The following RPTOR variants were observed in gnomAD, a reference collection of about 807,000 sequenced individuals.
RPTOR encodes the protein regulatory associated protein of MTOR complex 1, also known as regulatory-associated protein of mTOR.
A neutral mutation model predicts 169.9 loss-of-function variants in RPTOR; 21 were observed. That is an observed-to-expected ratio of 0.12 (90% CI 0.09 to 0.18). The LOEUF (loss-of-function observed/expected upper bound fraction) is 0.18, where lower values mean the gene tolerates loss of function less well. Among genes scored for constraint, RPTOR ranks in the 10% least tolerant of loss-of-function variants. The pLI is 1.00. For synonymous variants in RPTOR, 732 were observed against 753.2 expected (o/e 0.97, Z 0.46); for missense variants, 1,133 against 1,855.9 (o/e 0.61, Z 7.16).
rs141287642 is a variant in RPTOR at position 80,827,093 on chromosome 17, C to T, written c.1136+3870C>T. 4.4e-3 allele frequency among the ~76,000 whole-genome samples: 674 copies of T among 152,248 alleles called. 4 individuals carry two copies. Among genetic ancestry groups the T allele is most frequent in the Non-Finnish European group, 7.0e-3 (479 of 68,020 alleles). On this transcript the variant is annotated intron_variant, in intron 9 of 33. Coordinates refer to ENST00000306801, the MANE Select transcript of RPTOR (RefSeq NM_020761.3). ...CTGGCAAAGCAGTGAATGTGAACAC[C>T]CAGGGGGCAGCTGTGCCAAATTGAA...
intron 7 of RPTOR, among the ~76,000 whole-genome samples, chr17:80,814,877 G>T (rs1231791482): frequency 1.3e-5 from 2 of 152,172 alleles, no homozygotes; most frequent in African/African-American, 4.8e-5. Context: ...GAACCCCTGG[G>T]TTGGTGTGGG....
Position 80,855,452 on chromosome 17 carries a change from T to C in RPTOR, c.1315-12T>C. 1.9e-6 allele frequency: 3 copies of C among 1,608,350 alleles called. No homozygotes were observed. Among genetic ancestry groups the C allele is most frequent in the Non-Finnish European group, 2.6e-6 (3 of 1,174,824 alleles). On this transcript the variant is annotated splice_polypyrimidine_tract_variant and intron_variant, in intron 11 of 33. Coordinates refer to ENST00000306801, the MANE Select transcript of RPTOR (RefSeq NM_020761.3). The stretch of plus-strand genomic sequence containing the variant: ...GGTTTGCAGTGATACCATTTTCTTC[T>C]TGTTCTTCCAGGTGCTGTTAAGCCA...
chr17:80,613,094 G>A lies in RPTOR; in HGVS notation c.163-12597G>A, dbSNP rs564080109. Among the ~76,000 whole-genome samples the A allele has an allele frequency of 8.5e-5, 13 of 152,284 alleles. No homozygotes were observed. The South Asian group carries it at 1.2e-3, about 15-fold the overall frequency. On this transcript the variant is annotated intron_variant, in intron 1 of 33. Transcript: ENST00000306801. ...CCCCCCTGCCCTGGTGTGATGTGTG[G>A]CCTTCAGTGATCATCATCATCCTGT...
intron 5 of RPTOR, among the ~76,000 whole-genome samples, chr17:80,743,983 T>TCCTGGCTACTAGCACAGC (rs2066526515): frequency 4.2e-4 from 1 of 2,384 alleles, no homozygotes; most frequent in Non-Finnish European, 9.2e-4. Flanking sequence ...ACTAGCACTG[T>TCCTGGCTACTAGCACAGC]CCTGGTTATG....
At chr17:80,770,982 C>T (rs1260207695) in intron 6 of RPTOR, among the ~76,000 whole-genome samples, 1 of 152,274 alleles carries the variant, frequency 6.6e-6, no homozygotes, top group Non-Finnish European at 1.5e-5. Context: ...AGTCCCCTGC[C>T]TTCCTGCCAT....
rs112025337 is a variant in RPTOR, at chr17:80,954,482, T to A, written c.3371-3142T>A. Among the ~76,000 whole-genome samples the A allele has an allele frequency of 6.9e-3, 791 of 113,910 alleles. 9 individuals are homozygous for A. The highest frequency in any genetic ancestry group is 0.044 in the South Asian group (132 of 3,034). 74.7% of individuals were successfully genotyped at this position (113,910 alleles called of 152,430 possible). On this transcript the variant is annotated intron_variant, in intron 28 of 33. Transcript: ENST00000306801. ...GGTCTTGCTATGTTGCCCAGGCTGG[T>A]CTTGAACTCCTGGGCTTAAGCAATC...
chr17:80,566,577 T>C (rs1284243748), intron 1 of RPTOR, among the ~76,000 whole-genome samples: 1 of 152,034 alleles, frequency 6.6e-6, no homozygotes, highest in Non-Finnish European at 1.5e-5. Context: ...TCCCAGCTCT[T>C]AGGGAGGCCG....
At chr17:80,851,764 A>G (rs1473606286) in intron 11 of RPTOR, among the ~76,000 whole-genome samples, 1 of 152,224 alleles carries the variant, frequency 6.6e-6, no homozygotes, top group Non-Finnish European at 1.5e-5. Context: ...CATTCTAAGG[A>G]GACCTTTATT....
intron 10 of RPTOR, among the ~76,000 whole-genome samples, chr17:80,839,097 G>GTCT (rs1446205204): frequency 6.6e-6 from 1 of 152,234 alleles, no homozygotes; most frequent in African/African-American, 2.4e-5. Flanking sequence ...ACAGCCGTCA[G>GTCT]GGAAGCTTTT....
intron 24 of RPTOR, among the ~76,000 whole-genome samples, chr17:80,938,877 C>T (rs974717521): frequency 1.3e-5 from 2 of 152,196 alleles, no homozygotes; most frequent in Non-Finnish European, 2.9e-5. Flanking sequence ...ACAAAGAATG[C>T]TCTGTAAGCA....
In RPTOR at chr17:80,765,725, C is replaced by T. The variant is rs146115580; in HGVS notation, c.830+11540C>T. Reference sequence around the variant, plus strand: ...CCATGATTTCCTTCCTGGGGCTCTCCGTCCTTGTCCTGTTCTTTTTCTCTC... The same window carrying T: ...CCATGATTTCCTTCCTGGGGCTCTCTGTCCTTGTCCTGTTCTTTTTCTCTC... On this transcript the variant is annotated intron_variant, in intron 6 of 33. Coordinates refer to ENST00000306801, the MANE Select transcript of RPTOR (RefSeq NM_020761.3). 3.3e-5 allele frequency among the ~76,000 whole-genome samples: 5 copies of T among 152,274 alleles called. No individual in the cohort carries two copies. The East Asian group carries it at 5.8e-4, about 18-fold the overall frequency.
chr17:80,781,104 TA>T (rs1163309355), intron 6 of RPTOR, among the ~76,000 whole-genome samples: 1 of 152,132 alleles, frequency 6.6e-6, no homozygotes, highest in Non-Finnish European at 1.5e-5. Flanking sequence ...GGAAGGATAA[TA>T]ACACACATCT....
chr17:80,821,454 C>T (rs1161078518), intron 7 of RPTOR, among the ~76,000 whole-genome samples: 2 of 152,204 alleles, frequency 1.3e-5, no homozygotes, highest in East Asian at 1.9e-4. Context: ...CGAGTTACTT[C>T]ACTTAGAATA....
intron 24 of RPTOR, among the ~76,000 whole-genome samples, chr17:80,935,074 A>G (rs567730162): frequency 2.4e-4 from 37 of 152,244 alleles, no homozygotes; most frequent in African/African-American, 8.4e-4. Context: ...CATATGAGCA[A>G]TTGGACATTG....
chr17:80,828,944 A>G (rs796182177), intron 9 of RPTOR, among the ~76,000 whole-genome samples: 2 of 152,256 alleles, frequency 1.3e-5, no homozygotes, highest in Non-Finnish European at 2.9e-5. Context: ...CATCAGCAAT[A>G]TAGTTAATAT....
In RPTOR at chr17:80,923,525, G is replaced by C; in HGVS notation, c.2660G>C (p.Ser887Thr). ...CCGGCGTCCAGCACCAGCAGCTCCA[G>C]CCTGACCAACGATGTGGCCAAGCAG... The part of the protein sequence containing the change: ...SPPASSTSSS[S>T]LTNDVAKQPV... The change falls in exon 23 of 34, where the codon AGC (serine) becomes ACC (threonine). Residue 887 changes from serine (S) to threonine (T), a missense_variant. By Grantham distance (58) the Ser-to-Thr change is moderately conservative. This residue lies in a region of RPTOR where 123 missense variants were observed against 129.0 expected (regional missense o/e 0.95). Transcript: ENST00000306801. The C allele has an allele frequency of 6.2e-7, 1 of 1,613,398 alleles. No homozygotes were observed. The highest frequency in any genetic ancestry group is 8.5e-7 in the Non-Finnish European group (1 of 1,179,998).
intron 1 of RPTOR, among the ~76,000 whole-genome samples, chr17:80,548,536 GT>G (rs1360457509): frequency 6.6e-6 from 1 of 151,002 alleles, no homozygotes; most frequent in African/African-American, 2.4e-5. Context: ...CGCCTGGCTA[GT>G]TTTTTTTGTA....
Position 80,659,732 on chromosome 17 carries a change from C to T in RPTOR, c.348+15922C>T, listed in dbSNP as rs145394716. Among the ~76,000 whole-genome samples, 1,363 of 152,238 alleles carry T rather than the reference C, an allele frequency of 9.0e-3. 17 individuals carry two copies. The highest frequency in any genetic ancestry group is 0.027 in the African/African-American group (1,133 of 41,540). On this transcript the variant is annotated intron_variant, in intron 3 of 33. Coordinates refer to ENST00000306801, the MANE Select transcript of RPTOR (RefSeq NM_020761.3). The surrounding 1 kb of genome is among the most constrained non-coding windows in gnomAD (Gnocchi z 4.3). ...ATGTTGGCCAGGCTGGTCTCAACCT[C>T]TTGACCTCGTGATCCGCCCCTTGGT...
At chr17:80,549,624 CT>C (rs1473226372) in intron 1 of RPTOR, among the ~76,000 whole-genome samples, 1 of 152,194 alleles carries the variant, frequency 6.6e-6, no homozygotes, top group Non-Finnish European at 1.5e-5. Flanking sequence ...AACTGTGATA[CT>C]TTATAGTTAT....
Sources: gnomAD v4.1 joint callset for allele counts (sites outside exome capture counted in the v4.1 genomes callset) on GRCh38, gnomAD v4.1.1 for gene constraint, gnomAD v4.1.1 regional missense constraint, Gnocchi (gnomAD v3.1) non-coding constraint, MANE v1.5 for transcripts, NCBI Gene and HGNC (gene_info 2026-07-23, HGNC 2026-07-21) for gene names.